Variants in HHIPL1 observed in about 807,000 individuals in gnomAD.
The protein encoded by HHIPL1 is HHIP-like protein 1.
HHIPL1 carries 43 observed loss-of-function variants against 61.8 expected under a neutral mutation model. The observed-to-expected ratio is 0.70, with a 90% CI of 0.55 to 0.90. The LOEUF (loss-of-function observed/expected upper bound fraction) is 0.90, where lower values mean the gene tolerates loss of function less well. Ranked by LOEUF, HHIPL1 falls within the 40% of genes least tolerant of loss-of-function variation. The pLI, the probability that HHIPL1 is intolerant of heterozygous loss-of-function variation, is 0.00. For synonymous variants in HHIPL1, 482 were observed against 515.8 expected, an observed-to-expected ratio of 0.93 and a Z score of 0.89; for missense variants, 1,056 against 1,157.7, an observed-to-expected ratio of 0.91 and a Z score of 1.28.
the HHIPL1 span, among the ~76,000 whole-genome samples, chr14:99,618,365 G>T: frequency 6.6e-6 from 1 of 152,218 alleles, no homozygotes; most frequent in Non-Finnish European, 1.5e-5. Context: ...ACACTGGACT[G>T]GTCCGATCCT....
chr14:99,663,684 C>T (rs1435887524), intron 6 of HHIPL1, among the ~76,000 whole-genome samples: 1 of 152,180 alleles, frequency 6.6e-6, no homozygotes, highest in Admixed American at 6.5e-5. Context: ...GGTTCACAGG[C>T]ATCTGACACC....
chr14:99,661,421 A>AGAAGGAAGGGAGGAAG (rs2056151490), intron 5 of HHIPL1, among the ~76,000 whole-genome samples: 1 of 143,406 alleles, frequency 7.0e-6, no homozygotes, highest in Non-Finnish European at 1.5e-5. Flanking sequence ...GAGAGAGAAA[A>AGAAGGAAGGGAGGAAG]GAAGGAAGGA....
At chr14:99,628,793 C>G in the HHIPL1 span, among the ~76,000 whole-genome samples, 6 of 152,198 alleles carry the variant, frequency 3.9e-5, no homozygotes, top group Non-Finnish European at 8.8e-5. Flanking sequence ...GGCCTCAGCT[C>G]TCTTCCCCTC....
At chr14:99,663,673 T>C (rs111870841) in intron 6 of HHIPL1, among the ~76,000 whole-genome samples, 1 of 152,206 alleles carries the variant, frequency 6.6e-6, no homozygotes, top group Non-Finnish European at 1.5e-5. Flanking sequence ...GGAGTTGCTC[T>C]GGTTCACAGG....
rs2056404593 is a variant in HHIPL1 at position 99,677,699 on chromosome 14, A to T, written c.*2073A>T. On this transcript the variant is annotated 3_prime_UTR_variant, in exon 9 of 9. Transcript: ENST00000330710. This position sits in a 1 kb window ranked among gnomAD's most constrained non-coding sequence, Gnocchi z 4.3. ...AGGCCCTCAAGAATGCAGCCGAGCC[A>T]GGGCCCTGCTTGCCTGGCCCCAGAA... is the stretch of plus-strand genomic sequence containing the variant. The T allele has an allele frequency of 1.3e-5, 2 of 152,232 alleles. No individual in the cohort carries two copies. Among genetic ancestry groups the T allele is most frequent in the African/African-American group, 4.8e-5 (2 of 41,450 alleles). 9.4% of individuals were successfully genotyped at this position (152,232 alleles called of 1,614,324 possible). A position where few individuals can be genotyped will look rare whatever the true frequency, so the allele number is the denominator to read the frequency against.
intron 8 of HHIPL1, among the ~76,000 whole-genome samples, chr14:99,672,836 G>A (rs1360655163): frequency 6.6e-6 from 1 of 152,216 alleles, no homozygotes; most frequent in African/African-American, 2.4e-5. Context: ...TGGGACTGGG[G>A]GAAGGGGATG....
At chr14:99,647,884 G>A (rs1478406914) in intron 1 of HHIPL1, among the ~76,000 whole-genome samples, 1 of 152,188 alleles carries the variant, frequency 6.6e-6, no homozygotes, top group African/African-American at 2.4e-5. Flanking sequence ...GAGGAGAGAG[G>A]ACAGCCATGG....
the HHIPL1 span, among the ~76,000 whole-genome samples, chr14:99,606,921 C>T: frequency 2.0e-3 from 299 of 151,814 alleles, no homozygotes; most frequent in African/African-American, 6.2e-3. Context: ...AGCCCCCTCC[C>T]GGAGGGCCCA....
At chr14:99,671,059 G>A (rs1285570847) in intron 7 of HHIPL1, among the ~76,000 whole-genome samples, 1 of 152,130 alleles carries the variant, frequency 6.6e-6, no homozygotes, top group Non-Finnish European at 1.5e-5. Context: ...TGTGTTAGGA[G>A]CCAGAAGTGG....
At chr14:99,662,218 A>T (rs2400764) in intron 5 of HHIPL1, among the ~76,000 whole-genome samples, 1 of 105,956 alleles carries the variant, frequency 9.4e-6, no homozygotes, top group Non-Finnish European at 2.4e-5. Flanking sequence ...CTGCAACCCC[A>T]GAGAGCCTGT....
the HHIPL1 span, among the ~76,000 whole-genome samples, chr14:99,613,094 G>A: frequency 6.6e-6 from 1 of 151,900 alleles, no homozygotes; most frequent in Non-Finnish European, 1.5e-5. Context: ...AGCAGTAACA[G>A]TAATTCCTCC....
chr14:99,626,049 G>A, the HHIPL1 span, among the ~76,000 whole-genome samples: 4 of 152,182 alleles, frequency 2.6e-5, no homozygotes, highest in South Asian at 8.3e-4. Flanking sequence ...TCAGGTGGGT[G>A]CAGCCAGAGG....
chr14:99,613,382 G>A, the HHIPL1 span, among the ~76,000 whole-genome samples: 2 of 151,446 alleles, frequency 1.3e-5, no homozygotes, highest in Non-Finnish European at 2.9e-5. Flanking sequence ...CTGGAGTGCA[G>A]TGGTGCCATC....
At chr14:99,644,376 AGTGT>A (rs1595142822), upstream of HHIPL1, among the ~76,000 whole-genome samples, 1 of 142,924 alleles carries the variant, frequency 7.0e-6, no homozygotes, top group Non-Finnish European at 1.5e-5. Flanking sequence ...TAGGTGAGAC[AGTGT>A]GTGTGTGTTT....
At position 99,668,168 on chromosome 14, in the gene HHIPL1, G is replaced by A; in HGVS notation, c.1649-54G>A. On this transcript the variant is annotated intron_variant, in intron 6 of 8. Coordinates refer to ENST00000330710, the MANE Select transcript of HHIPL1 (RefSeq NM_001127258.3). This position sits in a 1 kb window ranked among gnomAD's most constrained non-coding sequence, Gnocchi z 4.7. ...GGAGCCGGGTGGTGAGGCGGGGCTG[G>A]CTGGGACGGTATTCCAGGTGGGGGT... 2 of 1,105,932 alleles carry A rather than the reference G, an allele frequency of 1.8e-6. No homozygotes were observed. The highest frequency in any genetic ancestry group is 1.2e-5 in the South Asian group (1 of 80,734). 68.5% of individuals were successfully genotyped at this position (1,105,932 alleles called of 1,614,324 possible). A position where few individuals can be genotyped will look rare whatever the true frequency, so the allele number is the denominator to read the frequency against.
Position 99,664,578 on chromosome 14 carries a change from G to A in HHIPL1, c.1648+1557G>A, listed in dbSNP as rs371951479. On this transcript the variant is annotated intron_variant, in intron 6 of 8. Transcript: ENST00000330710. ...GTGGCCTCTGGACAGCACAGAGCCC[G>A]GAGCCCTGGGGTCCAACGCAAACAA... Among the ~76,000 whole-genome samples, 491 of 152,220 alleles carry A rather than the reference G, an allele frequency of 3.2e-3. 4 individuals are homozygous for A. The highest frequency in any genetic ancestry group is 0.011 in the African/African-American group (437 of 41,536).
chr14:99,608,151 TTGCAGC>T, the HHIPL1 span, among the ~76,000 whole-genome samples: 3 of 152,016 alleles, frequency 2.0e-5, no homozygotes, highest in Admixed American at 2.0e-4. Flanking sequence ...CTATTACACC[TTGCAGC>T]TGGGGTATAC....
Position 99,675,721 on chromosome 14 carries a change from A to G in HHIPL1, c.*95A>G. 1 of 1,264,452 alleles carries G rather than the reference A, an allele frequency of 7.9e-7. No individual in the cohort carries two copies. The highest frequency in any genetic ancestry group is 1.1e-6 in the Non-Finnish European group (1 of 944,612). The allele number at this position is 1,264,452 out of a possible 1,614,324, so 78.3% of individuals were successfully genotyped here. A position where few individuals can be genotyped will look rare whatever the true frequency, so the allele number is the denominator to read the frequency against. ...CGCCCAGCGGGTGCACACGTGTTCTAGAGTGAAGGGGGTGCGGGTGTGTGC... is the reference window on the plus strand; with the variant it reads ...CGCCCAGCGGGTGCACACGTGTTCTGGAGTGAAGGGGGTGCGGGTGTGTGC... On this transcript the variant is annotated 3_prime_UTR_variant, in exon 9 of 9. Transcript: ENST00000330710. The surrounding 1 kb of genome is among the most constrained non-coding windows in gnomAD (Gnocchi z 5.4).
intron 4 of HHIPL1, 109 bp downstream of exon 4, chr14:99,659,865 T>A: frequency 1.8e-6 from 1 of 569,254 alleles, no homozygotes; most frequent in South Asian, 2.8e-5. Flanking sequence ...CCCCCGGAGA[T>A]CCCTGACCCT....
Sources: gnomAD v4.1 joint callset for allele counts (sites outside exome capture counted in the v4.1 genomes callset) on GRCh38, gnomAD v4.1.1 for gene constraint, Gnocchi (gnomAD v3.1) non-coding constraint, MANE v1.5 for transcripts, NCBI Gene and HGNC (gene_info 2026-07-23, HGNC 2026-07-21) for gene names.